The following MAMDC2 variants were observed in gnomAD, a reference collection of about 807,000 sequenced individuals.
The protein encoded by MAMDC2 is MAM domain-containing protein 2.
A neutral mutation model predicts 89.8 loss-of-function variants in MAMDC2; 57 were observed. That is an observed-to-expected ratio of 0.63 (90% CI 0.51 to 0.79). MAMDC2 has a LOEUF of 0.79. Ranked by LOEUF, MAMDC2 falls within the 30% of genes least tolerant of loss-of-function variation. The probability of loss-of-function intolerance (pLI) is 0.00; values close to 1 mark genes in which losing one functional copy is unlikely to be tolerated. For missense variants in MAMDC2, 800 were observed against 820.6 expected (o/e 0.97, Z 0.31); for synonymous variants, 313 against 293.4 (o/e 1.07, Z -0.68).
intron 3 of MAMDC2, among the ~76,000 whole-genome samples, chr9:70,108,765 A>G (rs1445078912): frequency 2.6e-5 from 4 of 152,216 alleles, no homozygotes; most frequent in African/African-American, 4.8e-5. Context: ...TAGATTTTCT[A>G]TGGCTTTAGG....
chr9:70,143,803 AGCCCAT>A lies in MAMDC2; in HGVS notation c.1392_1397del (p.Met465_Pro466del). On this transcript the variant is annotated inframe_deletion, in exon 9 of 14. Coordinates refer to ENST00000377182, the MANE Select transcript of MAMDC2 (RefSeq NM_153267.5). ...ATGCAAGCTGAAATCACCTTTAAGA[AGCCCAT>A]GCCTACCAAGGTACAGCAGAGCCAA... 6.2e-7 allele frequency: 1 copy of A among 1,613,978 alleles called. No individual in the cohort carries two copies. Among genetic ancestry groups the A allele is most frequent in the Non-Finnish European group, 8.5e-7 (1 of 1,179,864 alleles).
At chr9:70,051,137 G>A (rs984160538) in intron 2 of MAMDC2, among the ~76,000 whole-genome samples, 6 of 152,278 alleles carry the variant, frequency 3.9e-5, no homozygotes, top group East Asian at 1.9e-4. Context: ...GGGTGCTTGA[G>A]TTCTCTTGCC....
intron 2 of MAMDC2, among the ~76,000 whole-genome samples, chr9:70,076,522 C>T (rs1464535239): frequency 1.3e-5 from 2 of 152,158 alleles, no homozygotes; most frequent in African/African-American, 4.8e-5. Context: ...TTATTCCATC[C>T]CTTTAGAGAT....
chr9:70,149,221 AAAAAG>A (rs2031508909), intron 9 of MAMDC2, among the ~76,000 whole-genome samples: 1 of 151,262 alleles, frequency 6.6e-6, no homozygotes, highest in Non-Finnish European at 1.5e-5. Context: ...AAAAAAAAAA[AAAAAG>A]AAATTATAAA....
chr9:70,170,913 A>G (rs995805732), intron 11 of MAMDC2: 1 of 341,164 alleles, frequency 2.9e-6, no homozygotes, highest in Non-Finnish European at 5.3e-6. Flanking sequence ...AGAGAGGGAC[A>G]AAGTAGGGGA....
At position 70,192,736 on chromosome 9, in the gene MAMDC2, C is replaced by T. The variant is rs186439565; in HGVS notation, c.1651+22105C>T. 5.5e-3 allele frequency among the ~76,000 whole-genome samples: 827 copies of T among 151,436 alleles called. 3 individuals are homozygous for T. The highest frequency in any genetic ancestry group is 0.014 in the African/African-American group (568 of 41,398). On this transcript the variant is annotated intron_variant, in intron 11 of 13. Transcript: ENST00000377182. ...ACAGTAAGGCAGGCTTGATTCAGTA[C>T]CATTTTGATAGTTACAGGGACCACT...
chr9:70,123,800 G>C (rs1158409710), intron 5 of MAMDC2, among the ~76,000 whole-genome samples: 1 of 152,174 alleles, frequency 6.6e-6, no homozygotes, highest in African/African-American at 2.4e-5. Flanking sequence ...TTCAAGCCAA[G>C]GAATGCCAAA....
At chr9:70,075,670 G>A (rs758336806) in intron 2 of MAMDC2, among the ~76,000 whole-genome samples, 8 of 152,210 alleles carry the variant, frequency 5.3e-5, no homozygotes, top group Non-Finnish European at 8.8e-5. Flanking sequence ...GATTACAGAT[G>A]CATTGGCCCT....
chr9:70,086,889 T>C (rs566579858), intron 2 of MAMDC2: 5 of 152,086 alleles, frequency 3.3e-5, no homozygotes, highest in Non-Finnish European at 7.4e-5. Flanking sequence ...GAAAACCTGG[T>C]ATATGATATA....
chr9:70,095,885 C>G (rs1454754282), intron 2 of MAMDC2, among the ~76,000 whole-genome samples: 1 of 152,134 alleles, frequency 6.6e-6, no homozygotes. Context: ...GAACCCAGCT[C>G]CTGCTATTTT....
At chr9:70,057,514 T>C (rs1827049801) in intron 2 of MAMDC2, among the ~76,000 whole-genome samples, 1 of 152,198 alleles carries the variant, frequency 6.6e-6, no homozygotes, top group Non-Finnish European at 1.5e-5. Context: ...CAAAATGGTT[T>C]ATATTTTTAA....
intron 6 of MAMDC2, among the ~76,000 whole-genome samples, chr9:70,130,449 A>G (rs1231080349): frequency 6.6e-6 from 1 of 152,040 alleles, no homozygotes; most frequent in African/African-American, 2.4e-5. Flanking sequence ...CAGGTTATTA[A>G]CTCACACAAG....
intron 5 of MAMDC2, among the ~76,000 whole-genome samples, chr9:70,121,048 G>A (rs558547470): frequency 2.6e-5 from 4 of 152,356 alleles, no homozygotes; most frequent in African/African-American, 9.6e-5. Flanking sequence ...CACAACTGGA[G>A]TGCAAATGTG....
intron 4 of MAMDC2, among the ~76,000 whole-genome samples, chr9:70,110,608 G>A (rs544197715): frequency 9.2e-5 from 14 of 152,186 alleles, no homozygotes; most frequent in Non-Finnish European, 1.8e-4. Context: ...GTGAGACCAG[G>A]ACTGCTAAGG....
intron 5 of MAMDC2, among the ~76,000 whole-genome samples, chr9:70,122,161 G>T (rs1468985381): frequency 6.6e-6 from 1 of 152,192 alleles, no homozygotes; most frequent in Non-Finnish European, 1.5e-5. Flanking sequence ...AAAGAAAAAG[G>T]GTACAAGAGC....
chr9:70,203,102 T>C (rs1355066748), intron 11 of MAMDC2, among the ~76,000 whole-genome samples: 2 of 151,730 alleles, frequency 1.3e-5, no homozygotes, highest in African/African-American at 2.4e-5. Context: ...GTCATTATGA[T>C]GTTAGCTGGT....
intron 2 of MAMDC2, among the ~76,000 whole-genome samples, chr9:70,057,476 T>A (rs772261582): frequency 9.9e-5 from 15 of 152,156 alleles, no homozygotes; most frequent in African/African-American, 3.6e-4. Context: ...CTACTCACAA[T>A]AAAAACTGCT....
At chr9:70,146,945 A>G (rs2031424109) in intron 9 of MAMDC2, among the ~76,000 whole-genome samples, 1 of 147,786 alleles carries the variant, frequency 6.8e-6, no homozygotes, top group African/African-American at 2.5e-5. Flanking sequence ...AAAATAAATA[A>G]ATAAACATCA....
At chr9:70,210,535 G>A (rs563263807) in intron 11 of MAMDC2, among the ~76,000 whole-genome samples, 1 of 152,260 alleles carries the variant, frequency 6.6e-6, no homozygotes. Flanking sequence ...GTCTTTGCAT[G>A]TGAGATGGGT....
Sources: allele counts gnomAD v4.1 joint callset (sites outside exome capture counted in the v4.1 genomes callset), GRCh38; gene constraint gnomAD v4.1.1; transcripts MANE v1.5; gene names NCBI Gene and HGNC (gene_info 2026-07-23, HGNC 2026-07-21).